SLC25A13: variants seen among roughly 807,000 people sequenced by gnomAD.
SLC25A13 encodes solute carrier family 25 member 13.
Under a neutral mutation model 85.5 loss-of-function variants are expected in SLC25A13, and 70 were observed. The ratio of observed to expected loss-of-function variants is 0.82; its 90% confidence interval spans 0.68 to 1.00. The LOEUF is 1.00. Ranked by LOEUF, SLC25A13 falls within the 50% of genes least tolerant of loss-of-function variation. The pLI is 0.00. For synonymous variants in SLC25A13, 259 were observed against 288.7 expected, an observed-to-expected ratio of 0.90 and a Z score of 1.04; for missense variants, 765 against 819.8, an observed-to-expected ratio of 0.93 and a Z score of 0.82.
chr7:96,139,592 C>T (rs1433807345), intron 14 of SLC25A13, among the ~76,000 whole-genome samples: 2 of 152,110 alleles, frequency 1.3e-5, no homozygotes, highest in East Asian at 3.8e-4. Flanking sequence ...TAAGGCACAA[C>T]ATTTTTATTT....
In SLC25A13 at chr7:96,259,398, G is replaced by A. The variant is rs559996543; in HGVS notation, c.212+17798C>T. Among the ~76,000 whole-genome samples, 13 of 152,112 alleles carry A rather than the reference G, an allele frequency of 8.5e-5. No individual in the cohort carries two copies. The South Asian group carries it at 2.7e-3, about 32-fold the overall frequency. On this transcript the variant is annotated intron_variant, in intron 3 of 17. Coordinates refer to ENST00000265631, the MANE Select transcript of SLC25A13 (RefSeq NM_014251.3). ...ACAACCCCATCAAAAAGTGGGTAAA[G>A]ATATGAACAGACACTTCTGAAAAAA...
chr7:96,177,054 T>C (rs1027167913), intron 11 of SLC25A13, among the ~76,000 whole-genome samples: 3 of 152,168 alleles, frequency 2.0e-5, no homozygotes, highest in African/African-American at 7.2e-5. Context: ...CCAGACACTA[T>C]TTACCTCATA....
At chr7:96,311,540 A>T (rs1303328183) in intron 1 of SLC25A13, among the ~76,000 whole-genome samples, 1 of 152,196 alleles carries the variant, frequency 6.6e-6, no homozygotes, top group Admixed American at 6.5e-5. Flanking sequence ...ACAACCAAAA[A>T]GGGGGCAGGA....
At chr7:96,291,469 CA>C (rs1799116165) in intron 2 of SLC25A13, among the ~76,000 whole-genome samples, 1 of 151,900 alleles carries the variant, frequency 6.6e-6, no homozygotes, top group Non-Finnish European at 1.5e-5. Flanking sequence ...AAAACCCTTC[CA>C]AAAATTAATG....
intron 15 of SLC25A13, among the ~76,000 whole-genome samples, chr7:96,122,677 CAGAA>C (rs1230728774): frequency 6.6e-6 from 1 of 152,050 alleles, no homozygotes; most frequent in East Asian, 1.9e-4. Context: ...AAATATTTGA[CAGAA>C]AGCTTAAAAT....
intron 1 of SLC25A13, among the ~76,000 whole-genome samples, chr7:96,313,151 G>A (rs1445455732): frequency 1.3e-5 from 2 of 152,206 alleles, no homozygotes; most frequent in Non-Finnish European, 2.9e-5. Flanking sequence ...AGCTAAAAGT[G>A]CAGGGCTAGA....
intron 14 of SLC25A13, among the ~76,000 whole-genome samples, chr7:96,138,572 T>C (rs2116453549): frequency 6.6e-6 from 1 of 152,104 alleles, no homozygotes; most frequent in South Asian, 2.1e-4. Flanking sequence ...ATTAAAAAAA[T>C]ATTTTTGTGT....
chr7:96,242,866 C>G (rs949448624), intron 3 of SLC25A13, among the ~76,000 whole-genome samples: 1 of 152,222 alleles, frequency 6.6e-6, no homozygotes, highest in Non-Finnish European at 1.5e-5. Flanking sequence ...GCACCCCGAC[C>G]ACCTTGGGCA....
intron 9 of SLC25A13, among the ~76,000 whole-genome samples, chr7:96,188,006 T>G (rs1794701775): frequency 6.6e-6 from 1 of 151,944 alleles, no homozygotes; most frequent in South Asian, 2.1e-4. Flanking sequence ...TCATAAACTC[T>G]CAAAAGCTGC....
At chr7:96,155,974 T>C (rs1409647435) in intron 13 of SLC25A13, among the ~76,000 whole-genome samples, 1 of 152,246 alleles carries the variant, frequency 6.6e-6, no homozygotes, top group Non-Finnish European at 1.5e-5. Context: ...AGTTGTCTCT[T>C]GTGAAAAAGC....
intron 1 of SLC25A13, among the ~76,000 whole-genome samples, chr7:96,320,768 A>G (rs1229292122): frequency 6.6e-6 from 1 of 152,224 alleles, no homozygotes; most frequent in African/African-American, 2.4e-5. Flanking sequence ...GAAGAAGCCT[A>G]CGGATTTGGG....
intron 2 of SLC25A13, among the ~76,000 whole-genome samples, chr7:96,295,213 G>T (rs1298354380): frequency 6.6e-6 from 1 of 151,956 alleles, no homozygotes; most frequent in Non-Finnish European, 1.5e-5. Flanking sequence ...AAAATTAGCC[G>T]GGTGTGGTGG....
chr7:96,303,660 G>C (rs1269352700), intron 1 of SLC25A13, among the ~76,000 whole-genome samples: 2 of 152,158 alleles, frequency 1.3e-5, no homozygotes, highest in African/African-American at 4.8e-5. Flanking sequence ...TGGGAGTTGG[G>C]GGGCACCTTC....
At chr7:96,215,678 A>C (rs866711836) in intron 4 of SLC25A13, among the ~76,000 whole-genome samples, 2 of 152,148 alleles carry the variant, frequency 1.3e-5, no homozygotes, top group Admixed American at 6.5e-5. Flanking sequence ...AAAACCGTGA[A>C]TAGTTTTAGA....
chr7:96,274,499 G>C (rs921157308), intron 3 of SLC25A13, among the ~76,000 whole-genome samples: 2 of 152,124 alleles, frequency 1.3e-5, no homozygotes, highest in Non-Finnish European at 2.9e-5. Context: ...CTGTGCAGAG[G>C]CTCTTTAGTT....
In SLC25A13 at chr7:96,306,671, C is replaced by T. The variant is rs1375444182; in HGVS notation, c.16-9720G>A. 8.2e-6 allele frequency: 6 copies of T among 729,752 alleles called. No individual in the cohort carries two copies. The East Asian group carries it at 2.0e-4, about 24-fold the overall frequency. The allele number at this position is 729,752 out of a possible 1,614,324, so 45.2% of individuals were successfully genotyped here. A position where few individuals can be genotyped will look rare whatever the true frequency, so the allele number is the denominator to read the frequency against. On this transcript the variant is annotated intron_variant, in intron 1 of 17. Transcript: ENST00000265631. ...GCCTCAGCTCTCTTCCTCTTCTTCT[C>T]CTAGGATGGGAGTACAGCAGCCAAA...
chr7:96,205,668 G>A (rs923136948), intron 5 of SLC25A13, among the ~76,000 whole-genome samples: 4 of 151,578 alleles, frequency 2.6e-5, no homozygotes, highest in South Asian at 2.1e-4. Context: ...AAATAATATC[G>A]AATTGATTTA....
At chr7:96,155,889 C>T (rs554401557) in intron 13 of SLC25A13, among the ~76,000 whole-genome samples, 2 of 152,342 alleles carry the variant, frequency 1.3e-5, no homozygotes, top group South Asian at 2.1e-4. Flanking sequence ...GAGGCAGAGA[C>T]TTCTCTTCAA....
chr7:96,157,225 GT>G (rs912425941), intron 13 of SLC25A13, among the ~76,000 whole-genome samples: 13 of 150,824 alleles, frequency 8.6e-5, no homozygotes, highest in South Asian at 4.2e-4. Context: ...CAAATGCTCT[GT>G]TTTTTTTTCA....
Sources: allele counts gnomAD v4.1 joint callset (sites outside exome capture counted in the v4.1 genomes callset), GRCh38; gene constraint gnomAD v4.1.1; transcripts MANE v1.5; gene names NCBI Gene and HGNC (gene_info 2026-07-23, HGNC 2026-07-21).